SPPL3: variants seen among roughly 807,000 people sequenced by gnomAD.
SPPL3 encodes signal peptide peptidase like 3.
In SPPL3, 5 loss-of-function variants were observed where a neutral mutation model predicts 42.4. That is an observed-to-expected ratio of 0.12 (90% CI 0.06 to 0.25). SPPL3 has a LOEUF of 0.25. Ranked by LOEUF, SPPL3 falls within the 10% of genes least tolerant of loss-of-function variation. SPPL3 has a pLI of 1.00. For missense variants in SPPL3, 235 were observed against 489.0 expected, an observed-to-expected ratio of 0.48 and a Z score of 4.90; for synonymous variants, 195 against 181.8, an observed-to-expected ratio of 1.07 and a Z score of -0.58.
chr12:120,903,273 A>ACCC, intron 1 of SPPL3: 1 of 152,822 alleles, frequency 6.5e-6, no homozygotes, highest in South Asian at 1.9e-4. Flanking sequence ...CGTGGACTCT[A>ACCC]CCCCCGCAGT....
intron 6 of SPPL3, among the ~76,000 whole-genome samples, chr12:120,773,790 G>A (rs988538456): frequency 6.6e-6 from 1 of 152,214 alleles, no homozygotes; most frequent in African/African-American, 2.4e-5. Flanking sequence ...TTTTAATAGA[G>A]ATGGGGTTTC....
intron 1 of SPPL3, among the ~76,000 whole-genome samples, chr12:120,899,129 G>A (rs542238090): frequency 6.6e-6 from 1 of 152,272 alleles, no homozygotes; most frequent in Admixed American, 6.5e-5. Context: ...TACTTCCTCA[G>A]TGTATGTGAG....
At position 120,764,443 on chromosome 12, in the gene SPPL3, CTG is replaced by C. The variant is rs1868799625; in HGVS notation, c.*554_*555del. 2 of 155,170 alleles carry C rather than the reference CTG, an allele frequency of 1.3e-5. No homozygotes were observed. Among genetic ancestry groups the C allele is most frequent in the Non-Finnish European group, 2.9e-5 (2 of 69,966 alleles). The allele number at this position is 155,170 out of a possible 1,614,324, so 9.6% of individuals were successfully genotyped here. ...GATGTTGTAAGAAGTCACTCAATGT[CTG>C]TGGATTTAATAAGTCACTTCACACC... On this transcript the variant is annotated 3_prime_UTR_variant, in exon 11 of 11. Transcript: ENST00000353487.
At chr12:120,804,949 A>T (rs929083481) in intron 2 of SPPL3, among the ~76,000 whole-genome samples, 19 of 152,190 alleles carry the variant, frequency 1.2e-4, no homozygotes, top group Non-Finnish European at 5.9e-5. Context: ...CTTCAAAAAC[A>T]TGCTAAGTGA....
At chr12:120,766,168 G>T (rs2136964894) in intron 10 of SPPL3, 95 bp downstream of exon 10, 1 of 991,904 alleles carries the variant, frequency 1.0e-6, no homozygotes, top group East Asian at 2.9e-5. Flanking sequence ...TCACTCAGGG[G>T]CTTAAGCAGA....
Position 120,785,213 on chromosome 12 carries a change from G to A in SPPL3, c.191-620C>T, listed in dbSNP as rs1187850105. Among the ~76,000 whole-genome samples, 5 of 151,900 alleles carry A rather than the reference G, an allele frequency of 3.3e-5. No homozygotes were observed. In the East Asian group the frequency reaches 7.7e-4, roughly 23 times the overall value. On this transcript the variant is annotated intron_variant, in intron 3 of 10. Transcript: ENST00000353487. Reference sequence around the variant, plus strand: ...GGGACCAGGAGTTCAAGACCAGCCTGGGCAACACAGCGAGACCCCCGTTTC... The same window carrying A: ...GGGACCAGGAGTTCAAGACCAGCCTAGGCAACACAGCGAGACCCCCGTTTC...
intron 1 of SPPL3, among the ~76,000 whole-genome samples, chr12:120,877,328 G>C (rs1873135326): frequency 1.3e-5 from 2 of 152,116 alleles, no homozygotes; most frequent in African/African-American, 2.4e-5. Context: ...CCATCTTCCA[G>C]AAGAGGACAG....
Position 120,865,474 on chromosome 12 carries a change from A to G in SPPL3, c.23+38371T>C, listed in dbSNP as rs559274317. Among the ~76,000 whole-genome samples, 17 of 152,338 alleles carry G rather than the reference A, an allele frequency of 1.1e-4. No homozygotes were observed. In the South Asian group the frequency reaches 1.7e-3, roughly 15 times the overall value. Reference sequence around the variant, plus strand: ...TTATCCTTATTTGCAAAATGAGTACAATAGTATCTATCTATGAAAGCTGTG... The same window carrying G: ...TTATCCTTATTTGCAAAATGAGTACGATAGTATCTATCTATGAAAGCTGTG... On this transcript the variant is annotated intron_variant, in intron 1 of 10. Coordinates refer to ENST00000353487, the MANE Select transcript of SPPL3 (RefSeq NM_139015.5).
At chr12:120,818,706 T>C (rs1291029539) in intron 1 of SPPL3, among the ~76,000 whole-genome samples, 1 of 152,238 alleles carries the variant, frequency 6.6e-6, no homozygotes. Context: ...AGCACTTCTC[T>C]AACTTTGTGG....
At chr12:120,785,904 G>C (rs1422038964) in intron 3 of SPPL3, among the ~76,000 whole-genome samples, 12 of 132,272 alleles carry the variant, frequency 9.1e-5, no homozygotes, top group African/African-American at 2.4e-4. Flanking sequence ...TTGAGCCCAG[G>C]AGTCCAAGGC....
At chr12:120,821,747 C>A (rs1244106925) in intron 1 of SPPL3, among the ~76,000 whole-genome samples, 1 of 152,110 alleles carries the variant, frequency 6.6e-6, no homozygotes, top group Non-Finnish European at 1.5e-5. Context: ...TAGGTATTTG[C>A]CCCAAATAAC....
At chr12:120,786,629 C>A (rs1289307668) in intron 3 of SPPL3, among the ~76,000 whole-genome samples, 3 of 151,700 alleles carry the variant, frequency 2.0e-5, no homozygotes, top group Admixed American at 6.6e-5. Flanking sequence ...ACCTTTCTGG[C>A]GTATTAGATA....
chr12:120,823,781 T>C (rs1871152237), intron 1 of SPPL3, among the ~76,000 whole-genome samples: 1 of 152,184 alleles, frequency 6.6e-6, no homozygotes, highest in Admixed American at 6.5e-5. Context: ...CCCCATTTTG[T>C]ACAGATGAAA....
chr12:120,884,987 G>C (rs530323713), intron 1 of SPPL3, among the ~76,000 whole-genome samples: 4 of 152,032 alleles, frequency 2.6e-5, no homozygotes, highest in Non-Finnish European at 5.9e-5. Flanking sequence ...TGTAAGTAAG[G>C]CTTCCAATTC....
rs148962230 is a variant in SPPL3 at position 120,871,696 on chromosome 12, C to T, written c.23+32149G>A. On this transcript the variant is annotated intron_variant, in intron 1 of 10. Transcript: ENST00000353487. ...TGAACCTGCAAGGCGGAGGTTGCAG[C>T]GAGCCGAGATTGTGCCACTGCACTC... is the stretch of plus-strand genomic sequence containing the variant. Among the ~76,000 whole-genome samples the T allele has an allele frequency of 8.9e-3, 1,345 of 151,636 alleles. 7 individuals are homozygous for T. The highest frequency in any genetic ancestry group is 0.016 in the Non-Finnish European group (1,053 of 67,858).
intron 1 of SPPL3, among the ~76,000 whole-genome samples, chr12:120,811,622 T>C (rs1370709293): frequency 6.6e-6 from 1 of 152,232 alleles, no homozygotes. Context: ...CTCCATGAGT[T>C]CACCCTCCAC....
intron 1 of SPPL3, among the ~76,000 whole-genome samples, chr12:120,830,832 A>C (rs1379349356): frequency 2.0e-5 from 3 of 152,032 alleles, no homozygotes; most frequent in Non-Finnish European, 4.4e-5. Context: ...TGCTTACTGT[A>C]GCTTGATGGA....
intron 1 of SPPL3, among the ~76,000 whole-genome samples, chr12:120,813,169 T>G (rs562436451): frequency 6.6e-6 from 1 of 152,216 alleles, no homozygotes; most frequent in African/African-American, 2.4e-5. Context: ...CCTTTTCTGA[T>G]GCTGACTGGA....
At chr12:120,873,598 T>C (rs633281) in intron 1 of SPPL3, among the ~76,000 whole-genome samples, 151,287 of 152,288 alleles carry the variant, frequency 0.99, 75,154 homozygotes, top group Middle Eastern at 1. Flanking sequence ...AATGAGTCCG[T>C]GCACAGTGGC....
Sources: gnomAD v4.1 joint callset for allele counts (sites outside exome capture counted in the v4.1 genomes callset) on GRCh38, gnomAD v4.1.1 for gene constraint, MANE v1.5 for transcripts, NCBI Gene and HGNC (gene_info 2026-07-23, HGNC 2026-07-21) for gene names.